Variants in AOAH observed in about 807,000 individuals in gnomAD.
AOAH encodes acyloxyacyl hydrolase, also known as acyloxyacyl hydrolase (neutrophil).
Under a neutral mutation model 92.2 loss-of-function variants are expected in AOAH, and 64 were observed. The observed-to-expected ratio is 0.69, with a 90% CI of 0.57 to 0.86. The LOEUF (loss-of-function observed/expected upper bound fraction) is 0.86. Ranked by LOEUF, AOAH falls within the 40% of genes least tolerant of loss-of-function variation. The pLI is 0.00. For missense variants in AOAH, 656 were observed against 694.6 expected (o/e 0.94, Z 0.62); for synonymous variants, 263 against 254.5 (o/e 1.03, Z -0.32).
intron 10 of AOAH, among the ~76,000 whole-genome samples, chr7:36,617,214 C>T (rs955519214): frequency 7.9e-5 from 12 of 152,182 alleles, no homozygotes; most frequent in Non-Finnish European, 1.3e-4. Context: ...GGCTGGGCTT[C>T]ATGGAAACCA....
chr7:36,613,754 GTTC>G (rs1325628117), intron 11 of AOAH, among the ~76,000 whole-genome samples: 6 of 152,206 alleles, frequency 3.9e-5, no homozygotes, highest in African/African-American at 1.2e-4. Context: ...TGATTTCTGA[GTTC>G]TTCTTTTTCA....
chr7:36,610,158 G>GAAAA (rs1491223447), intron 11 of AOAH, among the ~76,000 whole-genome samples: 4 of 31,600 alleles, frequency 1.3e-4, no homozygotes, highest in African/African-American at 6.4e-4. Flanking sequence ...CTCCATAATA[G>GAAAA]CAAAAAAAAA....
chr7:36,562,137 A>G (rs1313905868), intron 13 of AOAH, among the ~76,000 whole-genome samples: 2 of 152,152 alleles, frequency 1.3e-5, no homozygotes, highest in African/African-American at 4.8e-5. Context: ...TAATTAGTTT[A>G]TGCAATTCTC....
At chr7:36,541,540 T>C (rs1205912904) in intron 15 of AOAH, among the ~76,000 whole-genome samples, 1 of 152,172 alleles carries the variant, frequency 6.6e-6, no homozygotes, top group Non-Finnish European at 1.5e-5. Flanking sequence ...AAGACATCAT[T>C]TGAAGTTATG....
intron 4 of AOAH, among the ~76,000 whole-genome samples, chr7:36,652,909 A>AT: frequency 6.6e-6 from 1 of 152,230 alleles, no homozygotes; most frequent in East Asian, 1.9e-4. Flanking sequence ...AGAAGAGGAC[A>AT]TTAGAGGAGA....
At chr7:36,652,875 G>A (rs918103042) in intron 4 of AOAH, among the ~76,000 whole-genome samples, 5 of 152,348 alleles carry the variant, frequency 3.3e-5, no homozygotes, top group Middle Eastern at 3.4e-3. Flanking sequence ...AATGCAATGC[G>A]TGTCCTCGAC....
At chr7:36,630,720 C>A (rs1793014628) in intron 6 of AOAH, among the ~76,000 whole-genome samples, 1 of 152,282 alleles carries the variant, frequency 6.6e-6, no homozygotes, top group Admixed American at 6.5e-5. Context: ...TATGGGGAAG[C>A]TGAGGCTCAG....
chr7:36,612,210 A>G (rs1253577220), intron 11 of AOAH, among the ~76,000 whole-genome samples: 1 of 152,222 alleles, frequency 6.6e-6, no homozygotes, highest in East Asian at 1.9e-4. Context: ...CCATCCAAAG[A>G]TAGCCAGTGG....
At chr7:36,623,924 G>A (rs1195309457) in intron 6 of AOAH, among the ~76,000 whole-genome samples, 1 of 152,144 alleles carries the variant, frequency 6.6e-6, no homozygotes, top group Non-Finnish European at 1.5e-5. Context: ...CAATGAGGCA[G>A]GAAAATAGGG....
chr7:36,710,139 C>T (rs1368487534), intron 1 of AOAH, among the ~76,000 whole-genome samples: 1 of 152,172 alleles, frequency 6.6e-6, no homozygotes, highest in Admixed American at 6.6e-5. Context: ...AGGGCAGAAC[C>T]TGTGAAAATG....
At chr7:36,591,362 T>C (rs1445973430) in intron 12 of AOAH, among the ~76,000 whole-genome samples, 1 of 152,166 alleles carries the variant, frequency 6.6e-6, no homozygotes, top group Non-Finnish European at 1.5e-5. Flanking sequence ...AGACTATGCG[T>C]TTTTTGTAAG....
intron 20 of AOAH, among the ~76,000 whole-genome samples, chr7:36,521,387 C>G (rs757617122): frequency 8.5e-5 from 13 of 152,188 alleles, no homozygotes; most frequent in Non-Finnish European, 1.5e-4. Context: ...GGACATACAA[C>G]AGATAAAAGT....
intron 3 of AOAH, among the ~76,000 whole-genome samples, chr7:36,659,541 T>C (rs982342668): frequency 1.3e-5 from 2 of 152,144 alleles, no homozygotes; most frequent in Non-Finnish European, 2.9e-5. Context: ...GCTGGGATTC[T>C]TTTCAGGCAA....
intron 20 of AOAH, among the ~76,000 whole-genome samples, chr7:36,515,457 A>ATG (rs1783585257): frequency 1.0e-5 from 1 of 98,830 alleles, no homozygotes; most frequent in Non-Finnish European, 1.9e-5. Flanking sequence ...CACACACACC[A>ATG]CACACCACAC....
rs1793178833 is a variant in AOAH, at chr7:36,632,312, A to G, written c.451-206T>C. Among the ~76,000 whole-genome samples the G allele has an allele frequency of 9.9e-5, 15 of 152,184 alleles. No individual in the cohort carries two copies. In the South Asian group the frequency reaches 2.9e-3, roughly 30 times the overall value. ...TGTGCCTTTGCCCATCGGGCTCCTC[A>G]GCCCGAAGCCTTCCCTCCTTCTCTT... On this transcript the variant is annotated intron_variant, in intron 5 of 20. Coordinates refer to ENST00000617537, the MANE Select transcript of AOAH (RefSeq NM_001637.4).
In AOAH at chr7:36,530,533, G is replaced by A; in HGVS notation, c.1426-19C>T. ...CTGCTCTCTGAAGAGAGAGGAAACA[G>A]GGAGAATTTCATGAAATCTAGACTT... On this transcript the variant is annotated intron_variant, in intron 18 of 20. Transcript: ENST00000617537. 1.3e-6 allele frequency: 2 copies of A among 1,545,758 alleles called. No individual in the cohort carries two copies. Among genetic ancestry groups the A allele is most frequent in the South Asian group, 1.1e-5 (1 of 89,060 alleles).
At chr7:36,551,734 G>T (rs375343751) in intron 13 of AOAH, among the ~76,000 whole-genome samples, 1 of 152,108 alleles carries the variant, frequency 6.6e-6, no homozygotes, top group East Asian at 1.9e-4. Context: ...CCACCTTTTG[G>T]TTGTTGTGAA....
At chr7:36,721,903 G>C (rs945269430) in intron 1 of AOAH, among the ~76,000 whole-genome samples, 2 of 152,140 alleles carry the variant, frequency 1.3e-5, no homozygotes, top group African/African-American at 4.8e-5. Flanking sequence ...AAGATTGGCA[G>C]CTTCTAATTC....
chr7:36,644,570 G>A (rs1358375733), intron 4 of AOAH, among the ~76,000 whole-genome samples: 1 of 152,164 alleles, frequency 6.6e-6, no homozygotes, highest in Non-Finnish European at 1.5e-5. Flanking sequence ...GGACACAACA[G>A]AATGTCCTGA....
Sources: gnomAD v4.1 joint callset for allele counts (sites outside exome capture counted in the v4.1 genomes callset) on GRCh38, gnomAD v4.1.1 for gene constraint, MANE v1.5 for transcripts, NCBI Gene and HGNC (gene_info 2026-07-23, HGNC 2026-07-21) for gene names.